Variants in SLC9A9 observed in about 807,000 individuals in gnomAD.
The protein encoded by SLC9A9 is sodium/hydrogen exchanger 9.
In SLC9A9, 62 loss-of-function variants were observed where a neutral mutation model predicts 77.8. The observed-to-expected ratio is 0.80, with a 90% CI of 0.65 to 0.98. The LOEUF is 0.98. SLC9A9 is among the 50% of genes least tolerant of loss of function. The probability of loss-of-function intolerance (pLI) is 0.00; values close to 1 mark genes in which losing one functional copy is unlikely to be tolerated. For synonymous variants in SLC9A9, 320 were observed against 283.5 expected, an observed-to-expected ratio of 1.13 and a Z score of -1.29; for missense variants, 775 against 774.9, an observed-to-expected ratio of 1.00 and a Z score of 0.00.
At chr3:143,284,144 A>G (rs1196890345) in intron 14 of SLC9A9, among the ~76,000 whole-genome samples, 2 of 152,002 alleles carry the variant, frequency 1.3e-5, no homozygotes, top group Non-Finnish European at 2.9e-5. Context: ...GAAAGCATCG[A>G]GTCGTTATAC....
At chr3:143,817,763 G>A (rs925551971) in intron 2 of SLC9A9, among the ~76,000 whole-genome samples, 3 of 151,918 alleles carry the variant, frequency 2.0e-5, no homozygotes, top group Non-Finnish European at 4.4e-5. Context: ...CTTTTTCAAA[G>A]ACCCAGAAGA....
At chr3:143,843,974 T>C (rs1050238364) in intron 1 of SLC9A9, among the ~76,000 whole-genome samples, 25 of 152,242 alleles carry the variant, frequency 1.6e-4, no homozygotes, top group African/African-American at 5.5e-4. Context: ...CATAATAGAT[T>C]ACCCATTACT....
At chr3:143,644,298 T>A (rs746196218) in intron 6 of SLC9A9, among the ~76,000 whole-genome samples, 1 of 152,214 alleles carries the variant, frequency 6.6e-6, no homozygotes, top group Non-Finnish European at 1.5e-5. Context: ...ACCATCCACA[T>A]GGATTTCTTT....
At chr3:143,752,716 C>A (rs1365269312) in intron 4 of SLC9A9, among the ~76,000 whole-genome samples, 2 of 148,668 alleles carry the variant, frequency 1.3e-5, no homozygotes, top group Non-Finnish European at 3.0e-5. Context: ...GTTAGATGCT[C>A]TGAAAAGGGC....
chr3:143,542,902 T>C (rs1300158079), intron 9 of SLC9A9, among the ~76,000 whole-genome samples: 2 of 152,220 alleles, frequency 1.3e-5, no homozygotes, highest in African/African-American at 4.8e-5. Context: ...GACAAAAATA[T>C]GTCTGGAGTC....
rs180865606 is a variant in SLC9A9, at chr3:143,714,707, G to T, written c.534-21400C>A. 2.6e-5 allele frequency among the ~76,000 whole-genome samples: 4 copies of T among 152,296 alleles called. No individual in the cohort carries two copies. In the East Asian group the frequency reaches 5.8e-4, roughly 22 times the overall value. ...TCCACCAAAGCATGTGCCCCAAGAG[G>T]CTGATCTATATGGGCTCCATCAGTG... On this transcript the variant is annotated intron_variant, in intron 4 of 15. Transcript: ENST00000316549.
chr3:143,707,383 C>G (rs1302839389), intron 4 of SLC9A9, among the ~76,000 whole-genome samples: 2 of 151,754 alleles, frequency 1.3e-5, no homozygotes, highest in East Asian at 1.9e-4. Context: ...CACACACACA[C>G]ACACACACAC....
At chr3:143,784,546 T>G (rs1335203105) in intron 4 of SLC9A9, among the ~76,000 whole-genome samples, 2 of 150,570 alleles carry the variant, frequency 1.3e-5, no homozygotes, top group Non-Finnish European at 3.0e-5. Context: ...TTTTTGAGAA[T>G]GGGGGTTTTA....
intron 5 of SLC9A9, among the ~76,000 whole-genome samples, chr3:143,667,834 C>T (rs1238617109): frequency 5.9e-5 from 9 of 152,150 alleles, no homozygotes; most frequent in Admixed American, 5.2e-4. Context: ...CAGCAAACAA[C>T]AGATGCCGGA....
At chr3:143,500,680 C>G (rs979038631) in intron 9 of SLC9A9, among the ~76,000 whole-genome samples, 1 of 151,932 alleles carries the variant, frequency 6.6e-6, no homozygotes, top group Non-Finnish European at 1.5e-5. Flanking sequence ...CAGGTGAAAA[C>G]CAATTTTTGT....
intron 9 of SLC9A9, among the ~76,000 whole-genome samples, chr3:143,524,931 A>G (rs2036379216): frequency 6.6e-6 from 1 of 152,190 alleles, no homozygotes. Flanking sequence ...CATGAAGCCC[A>G]CATCAGAAGC....
chr3:143,530,692 T>C (rs2036494732), intron 9 of SLC9A9, among the ~76,000 whole-genome samples: 1 of 151,740 alleles, frequency 6.6e-6, no homozygotes, highest in South Asian at 2.1e-4. Context: ...AAAAACACTA[T>C]TCAAATAGTT....
intron 14 of SLC9A9, among the ~76,000 whole-genome samples, chr3:143,281,059 T>C (rs1938202800): frequency 6.6e-6 from 1 of 152,174 alleles, no homozygotes; most frequent in Admixed American, 6.5e-5. Context: ...GGTGCGGCTC[T>C]AGGACTAATT....
chr3:143,721,087 A>G (rs1934487085), intron 4 of SLC9A9, among the ~76,000 whole-genome samples: 1 of 152,132 alleles, frequency 6.6e-6, no homozygotes, highest in Non-Finnish European at 1.5e-5. Flanking sequence ...GTACATTAGT[A>G]AATGCCTGTA....
chr3:143,402,812 T>C lies in SLC9A9; in HGVS notation c.1470-20698A>G, dbSNP rs1292463921. Among the ~76,000 whole-genome samples the C allele has an allele frequency of 2.0e-5, 3 of 150,880 alleles. No individual in the cohort carries two copies. The East Asian group carries it at 5.8e-4, about 29-fold the overall frequency. ...TGACAGTGTCTGCCTTTTGATTACA[T>C]TGTTTAGTTCATTCACATTTAATGT... On this transcript the variant is annotated intron_variant, in intron 12 of 15. Coordinates refer to ENST00000316549, the MANE Select transcript of SLC9A9 (RefSeq NM_173653.4).
At chr3:143,484,481 T>C (rs2035624786) in intron 11 of SLC9A9, among the ~76,000 whole-genome samples, 1 of 152,182 alleles carries the variant, frequency 6.6e-6, no homozygotes, top group Admixed American at 6.5e-5. Context: ...GCATTCTCTT[T>C]TGAAGAGAAA....
chr3:143,560,851 T>G (rs923405220), intron 8 of SLC9A9, among the ~76,000 whole-genome samples: 1 of 152,200 alleles, frequency 6.6e-6, no homozygotes, highest in African/African-American at 2.4e-5. Context: ...AATAAATGTA[T>G]CCACTGGAGA....
At chr3:143,728,375 G>A (rs1381016274) in intron 4 of SLC9A9, among the ~76,000 whole-genome samples, 2 of 152,170 alleles carry the variant, frequency 1.3e-5, no homozygotes, top group Admixed American at 1.3e-4. Context: ...AGATCTAGGA[G>A]AAGAGCATTC....
At chr3:143,625,345 T>G (rs1315962809) in intron 6 of SLC9A9, among the ~76,000 whole-genome samples, 1 of 152,148 alleles carries the variant, frequency 6.6e-6, no homozygotes, top group African/African-American at 2.4e-5. Context: ...GGAGGCATCA[T>G]GCTACCTGAC....
Sources: allele counts gnomAD v4.1 joint callset (sites outside exome capture counted in the v4.1 genomes callset), GRCh38; gene constraint gnomAD v4.1.1; transcripts MANE v1.5; gene names NCBI Gene and HGNC (gene_info 2026-07-23, HGNC 2026-07-21).